Variants in SCRIB observed in about 807,000 individuals in gnomAD.
SCRIB encodes the protein protein scribble homolog.
A neutral mutation model predicts 170.0 loss-of-function variants in SCRIB; 72 were observed. The ratio of observed to expected loss-of-function variants is 0.42; its 90% CI spans 0.35 to 0.52. The LOEUF is 0.52. Ranked by LOEUF, SCRIB falls within the 20% of genes least tolerant of loss-of-function variation. SCRIB has a pLI of 0.02. For synonymous variants in SCRIB, 1,298 were observed against 1,044.3 expected (o/e 1.24, Z -4.68); for missense variants, 2,475 against 2,338.5 (o/e 1.06, Z -1.20).
rs994549931 is a variant in SCRIB, at chr8:143,805,386, G to A, written c.2396C>T (p.Ala799Val). Residue 799 changes from alanine (A) to valine (V), a missense_variant, in exon 19 of 37, where the codon GCG becomes GTG. Physicochemically the swap from Ala to Val is moderately conservative, Grantham distance 64 (BLOSUM62 0). This residue lies in a region of SCRIB where 1,966 missense variants were observed against 1,742.9 expected (regional missense o/e 1.13). Transcript: ENST00000356994. ...CACGGCAGTGCCGGCCCCCCGGAGCGCCTCCACGGCCTCGTGGTGCTCGGC... is the reference window on the plus strand; with the variant it reads ...CACGGCAGTGCCGGCCCCCCGGAGCACCTCCACGGCCTCGTGGTGCTCGGC... ...QGAEHHEAVE[A>V]LRGAGTAVQM... 8.4e-6 allele frequency: 13 copies of A among 1,543,328 alleles called. No homozygotes were observed. The highest frequency in any genetic ancestry group is 7.2e-5 in the East Asian group (3 of 41,516).
Position 143,813,462 on chromosome 8 carries a change from ACACT to A in SCRIB, c.503+4_503+7del. The A allele has an allele frequency of 6.2e-7, 1 of 1,613,210 alleles. No individual in the cohort carries two copies. The highest frequency in any genetic ancestry group is 8.5e-7 in the Non-Finnish European group (1 of 1,179,980). ...CCTGGCTGTTAGGAGAATGCCTGTC[ACACT>A]CACGCTGGCAGGGACTTGAGCAGGT... is the stretch of plus-strand genomic sequence containing the variant. On this transcript the variant is annotated splice_donor_5th_base_variant and intron_variant, in intron 5 of 36. Coordinates refer to ENST00000356994, the MANE Select transcript of SCRIB (RefSeq NM_182706.5).
At position 143,793,915 on chromosome 8, in the gene SCRIB, G is replaced by A. The variant is rs1814824363; in HGVS notation, c.3894C>T (p.Ser1298=). 2 of 1,613,522 alleles carry A rather than the reference G, an allele frequency of 1.2e-6. No individual in the cohort carries two copies. Among genetic ancestry groups the A allele is most frequent in the Non-Finnish European group, 1.7e-6 (2 of 1,179,688 alleles). ...AGGKMAESPC[S]PSGQQPPSPP... ...GGACACTCACCTGCTGGCCACTAGG[G>A]GAGCAGGGAGATTCAGCCATCTTCC... Residue 1298 remains serine (S), a synonymous_variant, in exon 28 of 37, where the codon TCC becomes TCT. Coordinates refer to ENST00000356994, the MANE Select transcript of SCRIB (RefSeq NM_182706.5).
rs548729661 is a variant in SCRIB at position 143,791,544 on chromosome 8, G to A, written c.4771-104C>T. The A allele has an allele frequency of 3.8e-6, 6 of 1,571,768 alleles. No homozygotes were observed. In the Admixed American group the frequency reaches 8.7e-5, roughly 23 times the overall value. ...CTGAGGCCCACAGAGCCCGGCTGAAGGGGGAGGGGGGGTGAAGAGGCAGGG... is the reference window on the plus strand; with the variant it reads ...CTGAGGCCCACAGAGCCCGGCTGAAAGGGGAGGGGGGGTGAAGAGGCAGGG... On this transcript the variant is annotated intron_variant, in intron 35 of 36. Coordinates refer to ENST00000356994, the MANE Select transcript of SCRIB (RefSeq NM_182706.5).
rs1816072775 is a variant in SCRIB, at chr8:143,815,770, G to A, written c.-398C>T. ...GCCGCGCAGCCCGTCGGGAAGCCGAGTCCGGCCCTCGCCGCCTAGCACGCC... is the reference window on the plus strand; with the variant it reads ...GCCGCGCAGCCCGTCGGGAAGCCGAATCCGGCCCTCGCCGCCTAGCACGCC... On this transcript the variant is annotated 5_prime_UTR_variant, in exon 1 of 37. Coordinates refer to ENST00000356994, the MANE Select transcript of SCRIB (RefSeq NM_182706.5). 1 of 984,116 alleles carries A rather than the reference G, an allele frequency of 1.0e-6. No individual in the cohort carries two copies. The highest frequency in any genetic ancestry group is 1.8e-5 in the African/African-American group (1 of 57,068). The allele number at this position is 984,116 out of a possible 1,614,324, so 61.0% of individuals were successfully genotyped here. A position where few individuals can be genotyped will look rare whatever the true frequency, so the allele number is the denominator to read the frequency against.
Position 143,791,456 on chromosome 8 carries a change from T to A in SCRIB, c.4771-16A>T, listed in dbSNP as rs1554632601. Reference sequence around the variant, plus strand: ...AGTCCGGTGACTGTGATGGGGAGAGTGTTGGTCAGGCCGGTGCCAGCCCTG... The same window carrying A: ...AGTCCGGTGACTGTGATGGGGAGAGAGTTGGTCAGGCCGGTGCCAGCCCTG... On this transcript the variant is annotated splice_polypyrimidine_tract_variant and intron_variant, in intron 35 of 36. Coordinates refer to ENST00000356994, the MANE Select transcript of SCRIB (RefSeq NM_182706.5). 6.2e-7 allele frequency: 1 copy of A among 1,607,280 alleles called. No individual in the cohort carries two copies.
intron 9 of SCRIB, 143 bp from the exon 10 acceptor site, chr8:143,811,488 C>T: frequency 1.4e-6 from 1 of 707,008 alleles, no homozygotes; most frequent in Admixed American, 2.6e-5. Flanking sequence ...GGACAAGGAC[C>T]TGACCACAGA....
In SCRIB at chr8:143,791,050, ACTC is replaced by A; in HGVS notation, c.*110_*112del. 8.6e-7 allele frequency: 1 copy of A among 1,159,842 alleles called. No homozygotes were observed. The highest frequency in any genetic ancestry group is 1.1e-6 in the Non-Finnish European group (1 of 903,936). 71.8% of individuals were successfully genotyped at this position (1,159,842 alleles called of 1,614,324 possible). A position where few individuals can be genotyped will look rare whatever the true frequency, so the allele number is the denominator to read the frequency against. The stretch of plus-strand genomic sequence containing the variant: ...GGCAGTTAGTTAGTCACAGGCCAGA[ACTC>A]CTGTGGGGTCTCTTTAAAATGCTAA... On this transcript the variant is annotated 3_prime_UTR_variant, in exon 37 of 37. Coordinates refer to ENST00000356994, the MANE Select transcript of SCRIB (RefSeq NM_182706.5).
intron 18 of SCRIB, among the ~76,000 whole-genome samples, chr8:143,806,138 A>G (rs1815414431): frequency 6.6e-6 from 1 of 152,158 alleles, no homozygotes; most frequent in Non-Finnish European, 1.5e-5. Flanking sequence ...ACCCACTGGT[A>G]GAAAAACACA....
At position 143,811,186 on chromosome 8, in the gene SCRIB, G is replaced by A. The variant is rs1370097163; in HGVS notation, c.1066C>T (p.His356Tyr). The A allele has an allele frequency of 2.5e-6, 4 of 1,610,962 alleles. No individual in the cohort carries two copies. The highest frequency in any genetic ancestry group is 2.5e-6 in the Non-Finnish European group (3 of 1,179,184). ...RLAVLPPELAHTTELHVLDVA... is the reference protein window; with the variant it reads ...RLAVLPPELAYTTELHVLDVA... ...TCCAGCACGTGCAGCTCTGTCGTGTGGGCCAGCTCTGGTGGCAGGACGGCC... is the reference window on the plus strand; with the variant it reads ...TCCAGCACGTGCAGCTCTGTCGTGTAGGCCAGCTCTGGTGGCAGGACGGCC... The change falls in exon 10 of 37, where the codon CAC (histidine) becomes TAC (tyrosine). Residue 356 changes from histidine to tyrosine, a missense_variant. His to Tyr is a moderately conservative substitution (Grantham distance 83). Around this residue, in one of 3 missense-constraint regions of SCRIB, gnomAD observed 487 missense variants for 558.1 expected, o/e 0.87. Coordinates refer to ENST00000356994, the MANE Select transcript of SCRIB (RefSeq NM_182706.5).
rs1271992194 is a variant in SCRIB at position 143,794,914 on chromosome 8, GC to G, written c.3846+123del. On this transcript the variant is annotated intron_variant, in intron 27 of 36. Transcript: ENST00000356994. The stretch of plus-strand genomic sequence containing the variant: ...TGGGGTAGCCTGCAGGTCAGACGTG[GC>G]CTCCTCCCACCCCAGCCCCCGCCCA... 691 of 868,256 alleles carry G rather than the reference GC, an allele frequency of 8.0e-4. 4 individuals are homozygous for G. The highest frequency in any genetic ancestry group is 4.7e-3 in the South Asian group (301 of 64,126). The allele number at this position is 868,256 out of a possible 1,614,324, so 53.8% of individuals were successfully genotyped here.
rs1182314982 is a variant in SCRIB at position 143,804,132 on chromosome 8, C to A, written c.3034G>T (p.Gly1012Cys). The A allele has an allele frequency of 3.1e-6, 5 of 1,611,834 alleles. No individual in the cohort carries two copies. Among genetic ancestry groups the A allele is most frequent in the Non-Finnish European group, 4.2e-6 (5 of 1,179,008 alleles). ...VEEIRLPRAG[G>C]PLGLSIVGGS... ...CCGACAATACTAAGCCCCAGAGGGC[C>A]CCCAGCTCTTGGCAGACGGATCTCC... is the stretch of plus-strand genomic sequence containing the variant. Residue 1012 changes from glycine to cysteine, a missense_variant, in exon 22 of 37, where the codon GGC becomes TGC. Transcript: ENST00000356994.
At chr8:143,792,664 G>C in intron 30 of SCRIB, 29 bp from the exon 31 acceptor site, 1 of 1,588,940 alleles carries the variant, frequency 6.3e-7, no homozygotes, top group Non-Finnish European at 8.5e-7. Flanking sequence ...GGTCAGGCCA[G>C]ACCAGCCGAG....
chr8:143,795,591 C>A (rs1324718597), intron 24 of SCRIB, 61 bp from the exon 25 acceptor site: 9 of 1,397,714 alleles, frequency 6.4e-6, no homozygotes, highest in East Asian at 2.4e-5. Flanking sequence ...ACCTCTGGGG[C>A]AGGCTGGGGT....
chr8:143,796,332 C>T (rs541681267), intron 24 of SCRIB, among the ~76,000 whole-genome samples: 52 of 152,282 alleles, frequency 3.4e-4, no homozygotes, highest in South Asian at 1.0e-3. Flanking sequence ...CATTGCTCAC[C>T]GCCCTCATCA....
At position 143,811,050 on chromosome 8, in the gene SCRIB, G is replaced by A. The variant is rs1164956190; in HGVS notation, c.1129C>T (p.Leu377Phe). ...GNRLQSLPFA[L>F]THLNLKALWL... ...AGGGCCTTGAGATTGAGGTGGGTGAGCGCGAACGGCAGACTCTGCAGGCTG... is the reference window on the plus strand; with the variant it reads ...AGGGCCTTGAGATTGAGGTGGGTGAACGCGAACGGCAGACTCTGCAGGCTG... The change falls in exon 11 of 37, where the codon CTC (leucine) becomes TTC (phenylalanine). Residue 377 changes from leucine (L) to phenylalanine (F), a missense_variant. Physicochemically the swap from Leu to Phe is conservative, Grantham distance 22. Around this residue, in one of 3 missense-constraint regions of SCRIB, gnomAD observed 487 missense variants for 558.1 expected, o/e 0.87. Transcript: ENST00000356994. 3 of 1,612,152 alleles carry A rather than the reference G, an allele frequency of 1.9e-6. No individual in the cohort carries two copies. The highest frequency in any genetic ancestry group is 2.5e-6 in the Non-Finnish European group (3 of 1,179,584).
At chr8:143,807,088 A>G (rs1461072043) in intron 16 of SCRIB, 75 bp from the exon 17 acceptor site, 5 of 1,056,324 alleles carry the variant, frequency 4.7e-6, no homozygotes, top group Non-Finnish European at 5.7e-6. Flanking sequence ...AGACCCCACC[A>G]GCACGCAGAT....
chr8:143,815,399 G>GCGGCGGCGCT lies in SCRIB; in HGVS notation c.-37_-28dup. The stretch of plus-strand genomic sequence containing the variant: ...GTGCGGGTGGGCGGCGCGGGCTCCG[G>GCGGCGGCGCT]CGGCGGCGCTCGGCGGGCTCGGGGC... On this transcript the variant is annotated 5_prime_UTR_variant, in exon 1 of 37. Coordinates refer to ENST00000356994, the MANE Select transcript of SCRIB (RefSeq NM_182706.5). The GCGGCGGCGCT allele has an allele frequency of 7.8e-7, 1 of 1,277,256 alleles. No individual in the cohort carries two copies. The highest frequency in any genetic ancestry group is 9.9e-7 in the Non-Finnish European group (1 of 1,006,804). The allele number at this position is 1,277,256 out of a possible 1,614,324, so 79.1% of individuals were successfully genotyped here.
intron 24 of SCRIB, among the ~76,000 whole-genome samples, chr8:143,800,691 A>G (rs888832871): frequency 9.2e-5 from 14 of 152,242 alleles, no homozygotes; most frequent in Admixed American, 9.2e-4. Flanking sequence ...CCTAGGTAAC[A>G]TGACAAAACC....
intron 9 of SCRIB, among the ~76,000 whole-genome samples, chr8:143,811,981 C>T (rs1815749193): frequency 6.6e-6 from 1 of 152,178 alleles, no homozygotes; most frequent in Admixed American, 6.5e-5. Flanking sequence ...AAATAAGTTC[C>T]CATTCCTGCC....
Sources: allele counts gnomAD v4.1 joint callset (sites outside exome capture counted in the v4.1 genomes callset), GRCh38; gene constraint gnomAD v4.1.1; regional missense constraint gnomAD v4.1.1; transcripts MANE v1.5; gene names NCBI Gene and HGNC (gene_info 2026-07-23, HGNC 2026-07-21).